NPIPB8: variants seen among roughly 807,000 people sequenced by gnomAD.
NPIPB8 encodes the protein nuclear pore complex interacting protein family member B8, also known as nuclear pore complex-interacting protein family member B8.
NPIPB8 carries 3 observed loss-of-function variants against 5.3 expected under a neutral mutation model. The ratio of observed to expected loss-of-function variants is 0.57; its 90% CI spans 0.26 to 1.47. The LOEUF is 1.47. Among genes scored for constraint, NPIPB8 ranks in the 40% most tolerant of loss-of-function variants. The probability of loss-of-function intolerance (pLI) is 0.13; values close to 1 mark genes in which losing one functional copy is unlikely to be tolerated. For missense variants in NPIPB8, 50 were observed against 50.2 expected (o/e 1.00, Z 0.01); for synonymous variants, 18 against 23.0 (o/e 0.78, Z 0.62).
Position 28,641,406 on chromosome 16 carries a change from C to T in NPIPB8, c.120+2926C>T, listed in dbSNP as rs1427770186. Among the ~76,000 whole-genome samples the T allele has an allele frequency of 5.5e-5, 8 of 144,734 alleles. 1 individual carries two copies. Among genetic ancestry groups the T allele is most frequent in the Non-Finnish European group, 9.4e-5 (6 of 63,950 alleles). The allele number at this position is 144,734 out of a possible 152,430, so 95.0% of individuals were successfully genotyped here. A position where few individuals can be genotyped will look rare whatever the true frequency, so the allele number is the denominator to read the frequency against. On this transcript the variant is annotated intron_variant, in intron 2 of 7. Coordinates refer to ENST00000683297, the MANE Select transcript of NPIPB8 (RefSeq NM_001310136.2). ...GTGCCTGACTGTACTGCTGATGCTC[C>T]AGTGGATAACTCAGCATCCCAGCCT...
At chr16:28,653,479 TCCCAGTGTGAGCCACCGCA>T (rs1195725814) in intron 5 of NPIPB8, among the ~76,000 whole-genome samples, 1 of 45,266 alleles carries the variant, frequency 2.2e-5, no homozygotes, top group African/African-American at 1.5e-4. Flanking sequence ...TACCTCAGCC[TCCCAGTGTGAGCCACCGCA>T]CCCAGCCTGG....
At chr16:28,644,997 C>A in intron 2 of NPIPB8, among the ~76,000 whole-genome samples, 1 of 98,298 alleles carries the variant, frequency 1.0e-5, no homozygotes, top group Non-Finnish European at 2.1e-5. Context: ...TGGACCAAAA[C>A]AAAGTGAAAT....
chr16:28,642,524 G>A (rs569138311), intron 2 of NPIPB8, among the ~76,000 whole-genome samples: 13,726 of 149,440 alleles, frequency 0.092, 2,111 homozygotes, highest in African/African-American at 0.32. Flanking sequence ...TCGCTCTGTC[G>A]CCTAGGCTGG....
At chr16:28,652,722 C>A (rs1320514896) in intron 5 of NPIPB8, among the ~76,000 whole-genome samples, 2 of 130,186 alleles carry the variant, frequency 1.5e-5, no homozygotes, top group Non-Finnish European at 3.3e-5. Context: ...CTGTCTCAGC[C>A]TCCCAAGTAG....
chr16:28,650,951 T>C (rs1225526958), intron 3 of NPIPB8, among the ~76,000 whole-genome samples: 1 of 96,176 alleles, frequency 1.0e-5, no homozygotes, highest in Non-Finnish European at 1.9e-5. Flanking sequence ...CGTGTTGAAG[T>C]GTACAGTTCA....
Position 28,657,370 on chromosome 16 carries a change from A to C in NPIPB8, c.697-658A>C. 2.5e-5 allele frequency: 16 copies of C among 635,330 alleles called. 6 individuals carry two copies. Among genetic ancestry groups the C allele is most frequent in the Non-Finnish European group, 2.8e-5 (16 of 563,728 alleles). 39.4% of individuals were successfully genotyped at this position (635,330 alleles called of 1,614,324 possible). ...GTTCCTTTGTCAAGAAGGGAAACAG[A>C]GGGGAAATGAGAGGGTCCTGCAGGC... On this transcript the variant is annotated intron_variant, in intron 7 of 7. Transcript: ENST00000683297.
At chr16:28,642,338 T>G (rs1261277260) in intron 2 of NPIPB8, among the ~76,000 whole-genome samples, 2 of 151,990 alleles carry the variant, frequency 1.3e-5, no homozygotes, top group African/African-American at 4.8e-5. Context: ...ACTCCTAACC[T>G]TGTGATCCAC....
chr16:28,639,562 T>C (rs1301726749), intron 2 of NPIPB8, among the ~76,000 whole-genome samples: 5 of 132,192 alleles, frequency 3.8e-5, no homozygotes, highest in African/African-American at 5.7e-5. Flanking sequence ...GTTCAAGCAA[T>C]TCCTCTGCCT....
At chr16:28,642,952 A>G (rs1482105220) in intron 2 of NPIPB8, among the ~76,000 whole-genome samples, 1 of 152,220 alleles carries the variant, frequency 6.6e-6, no homozygotes, top group Non-Finnish European at 1.5e-5. Context: ...CAGAGGCCTG[A>G]GAGAGTTTGG....
intron 2 of NPIPB8, among the ~76,000 whole-genome samples, chr16:28,639,091 G>A (rs1480394968): frequency 6.8e-6 from 1 of 146,250 alleles, no homozygotes; most frequent in Non-Finnish European, 1.5e-5. Flanking sequence ...AAATTATCCT[G>A]CAAAATTTGA....
chr16:28,640,586 G>C (rs371470724), intron 2 of NPIPB8, among the ~76,000 whole-genome samples: 1 of 152,102 alleles, frequency 6.6e-6, no homozygotes, highest in Non-Finnish European at 1.5e-5. Context: ...CATTAAGACC[G>C]TCATATGGTG....
At chr16:28,644,656 G>C in intron 2 of NPIPB8, 2 of 1,444,118 alleles carry the variant, frequency 1.4e-6, no homozygotes, top group South Asian at 1.2e-5. Flanking sequence ...GCCCACCCCT[G>C]TGAGTAGACG....
upstream of NPIPB8, chr16:28,638,059 G>A: frequency 1.4e-6 from 1 of 702,834 alleles, no homozygotes; most frequent in Non-Finnish European, 2.1e-6. Flanking sequence ...TAAATGACTT[G>A]GATGTTTTAT....
At chr16:28,642,938 C>T (rs1379364372) in intron 2 of NPIPB8, among the ~76,000 whole-genome samples, 2 of 152,220 alleles carry the variant, frequency 1.3e-5, no homozygotes, top group South Asian at 2.1e-4. Context: ...TGGTTTTCAG[C>T]TGCCAGAGGC....
At chr16:28,638,578 A>G in intron 2 of NPIPB8, 98 bp downstream of exon 2, 1 of 1,421,584 alleles carries the variant, frequency 7.0e-7, no homozygotes, top group African/African-American at 1.5e-5. Context: ...GGGGAAGCTT[A>G]CGCAGTCACA....
At chr16:28,642,444 T>A (rs187928846) in intron 2 of NPIPB8, among the ~76,000 whole-genome samples, 1 of 151,420 alleles carries the variant, frequency 6.6e-6, no homozygotes, top group African/African-American at 2.4e-5. Flanking sequence ...ATAAAAAGAA[T>A]TGAATTCCAT....
intron 5 of NPIPB8, among the ~76,000 whole-genome samples, chr16:28,652,784 T>A (rs1367484747): frequency 7.2e-6 from 1 of 138,114 alleles, no homozygotes; most frequent in African/African-American, 2.9e-5. Flanking sequence ...GTATTTTTAC[T>A]AGAGATGGGG....
In NPIPB8 at chr16:28,638,323, G is replaced by A. The variant is rs531091068; in HGVS notation, c.-38G>A. ...ACTTTTTTTCTTAATTGTCTAATAG[G>A]TTGGCACTCATCATGAGCCCCTGTT... On this transcript the variant is annotated splice_region_variant and 5_prime_UTR_variant, in exon 2 of 8. Transcript: ENST00000683297. The A allele has an allele frequency of 5.1e-6, 8 of 1,560,198 alleles. No homozygotes were observed. The highest frequency in any genetic ancestry group is 6.9e-6 in the Non-Finnish European group (8 of 1,160,428).
At chr16:28,642,406 A>C (rs1306454531) in intron 2 of NPIPB8, among the ~76,000 whole-genome samples, 1 of 149,400 alleles carries the variant, frequency 6.7e-6, no homozygotes, top group Admixed American at 6.7e-5. Flanking sequence ...GCCCAGCCAA[A>C]TCTAGGGCCG....
Sources: allele counts gnomAD v4.1 joint callset (sites outside exome capture counted in the v4.1 genomes callset), GRCh38; gene constraint gnomAD v4.1.1; transcripts MANE v1.5; gene names NCBI Gene and HGNC (gene_info 2026-07-23, HGNC 2026-07-21).